SOX5: variants seen among roughly 807,000 people sequenced by gnomAD.
The protein encoded by SOX5 is SRY-box transcription factor 5, also known as transcription factor SOX-5.
A neutral mutation model predicts 92.0 loss-of-function variants in SOX5; 9 were observed. That is an observed-to-expected ratio of 0.10 (90% CI 0.06 to 0.17). The LOEUF is 0.17. Among genes scored for constraint, SOX5 ranks in the 10% least tolerant of loss-of-function variants. The probability of loss-of-function intolerance (pLI) is 1.00; values close to 1 mark genes in which losing one functional copy is unlikely to be tolerated. For synonymous variants in SOX5, 344 were observed against 336.3 expected (o/e 1.02, Z -0.25); for missense variants, 642 against 944.5 (o/e 0.68, Z 4.20).
chr12:24,259,218 G>GAGCGAGCGAGAGAGAGAGCA (rs1438551080), intron 3 of SOX5, among the ~76,000 whole-genome samples: 1 of 152,160 alleles, frequency 6.6e-6, no homozygotes, highest in East Asian at 1.9e-4. Context: ...GACAGAAAGA[G>GAGCGAGCGAGAGAGAGAGCA]AGCGAGCGAG....
chr12:24,496,775 T>C (rs1007610364), intron 1 of SOX5, among the ~76,000 whole-genome samples: 9 of 152,222 alleles, frequency 5.9e-5, no homozygotes, highest in Non-Finnish European at 1.2e-4. Context: ...AAAGAATGCA[T>C]TGGTGTCAGC....
At chr12:24,226,496 AATCTCACTC>A (rs1962017341) in intron 3 of SOX5, among the ~76,000 whole-genome samples, 1 of 151,860 alleles carries the variant, frequency 6.6e-6, no homozygotes, top group East Asian at 1.9e-4. Flanking sequence ...TTTGAGATAG[AATCTCACTC>A]TATCCCCCAG....
intron 4 of SOX5, among the ~76,000 whole-genome samples, chr12:24,161,447 T>C (rs1304860717): frequency 6.6e-6 from 1 of 152,072 alleles, no homozygotes; most frequent in Non-Finnish European, 1.5e-5. Context: ...ATAGGATCTG[T>C]TTATTAGAGC....
chr12:24,023,962 T>A (rs1954598867), intron 4 of SOX5, among the ~76,000 whole-genome samples: 1 of 152,036 alleles, frequency 6.6e-6, no homozygotes, highest in Non-Finnish European at 1.5e-5. Context: ...TCTTTACGTG[T>A]CCTGTTATCA....
intron 2 of SOX5, among the ~76,000 whole-genome samples, chr12:23,868,980 A>G (rs2096844658): frequency 6.6e-6 from 1 of 152,002 alleles, no homozygotes; most frequent in South Asian, 2.1e-4. Flanking sequence ...TACCTTTTCA[A>G]CTTTTTCACA....
chr12:24,379,159 T>C (rs1176661216), intron 1 of SOX5, among the ~76,000 whole-genome samples: 1 of 152,224 alleles, frequency 6.6e-6, no homozygotes, highest in Non-Finnish European at 1.5e-5. Context: ...TAGCTGAAAG[T>C]ATTCAAAACA....
intron 8 of SOX5, among the ~76,000 whole-genome samples, chr12:23,609,000 G>A (rs2075622747): frequency 1.3e-5 from 2 of 152,098 alleles, no homozygotes; most frequent in South Asian, 4.1e-4. Context: ...CACTGTCGAA[G>A]GTGTTAAGAG....
In SOX5 at chr12:24,273,086, A is replaced by G. The variant is rs911783971; in HGVS notation, c.-77+4130T>C. On this transcript the variant is annotated intron_variant, in intron 3 of 4. Coordinates refer to the SOX5 transcript ENST00000446891. ...CGTCTCTACTAAAAGTATAAAAGAA[A>G]TCAGCCAAGCATGGTGACATGTGCC... Among the ~76,000 whole-genome samples, 5 of 152,142 alleles carry G rather than the reference A, an allele frequency of 3.3e-5. 1 individual carries two copies. Among genetic ancestry groups the G allele is most frequent in the African/African-American group, 9.7e-5 (4 of 41,434 alleles).
chr12:23,613,528 T>C (rs775283419), intron 8 of SOX5, among the ~76,000 whole-genome samples: 2 of 152,118 alleles, frequency 1.3e-5, no homozygotes, highest in Non-Finnish European at 2.9e-5. Context: ...AAAAAAGAAT[T>C]GAAAGCAGGA....
chr12:24,246,412 C>G (rs1000185337), intron 3 of SOX5, among the ~76,000 whole-genome samples: 1 of 151,798 alleles, frequency 6.6e-6, no homozygotes, highest in South Asian at 2.1e-4. Context: ...AATAATTCAA[C>G]ACCAATGATT....
At chr12:24,402,609 G>C (rs1961998704) in intron 1 of SOX5, among the ~76,000 whole-genome samples, 1 of 152,142 alleles carries the variant, frequency 6.6e-6, no homozygotes, top group Admixed American at 6.5e-5. Context: ...CTTTTAAAGA[G>C]AAAGAATGCA....
rs150310972 is a variant in SOX5 at position 24,257,584 on chromosome 12, G to A, written c.-77+19632C>T. ...ACCAGGTTCAAGCAATTCTCCTGCC[G>A]CAGCCTCCTAAGTAGCTAGGATTAC... On this transcript the variant is annotated intron_variant, in intron 3 of 4. Coordinates refer to the SOX5 transcript ENST00000446891. 1.7e-3 allele frequency among the ~76,000 whole-genome samples: 258 copies of A among 151,932 alleles called. 2 individuals carry two copies. Among genetic ancestry groups the A allele is most frequent in the Admixed American group, 4.0e-3 (61 of 15,266 alleles).
Position 24,364,389 on chromosome 12 carries a change from A to G in SOX5, c.-174+4174T>C, listed in dbSNP as rs550543277. On this transcript the variant is annotated intron_variant, in intron 2 of 4. Coordinates refer to the SOX5 transcript ENST00000446891. ...TTTGGATTTTTCTTACAGTATTTTG[A>G]TGCTCTATCTTCTGTCCTTAGAAAG... is the stretch of plus-strand genomic sequence containing the variant. 4.6e-4 allele frequency among the ~76,000 whole-genome samples: 70 copies of G among 151,746 alleles called. 1 individual carries two copies. Among genetic ancestry groups the G allele is most frequent in the African/African-American group, 1.5e-3 (61 of 41,410 alleles).
rs577404340 is a variant in SOX5 at position 24,309,694 on chromosome 12, C to CA, written c.-173-32383dup. Reference sequence around the variant, plus strand: ...TTTCTTCCTTTGCTTTCTTGTGGTACATATATACTATAAAAATATGAAAAG... The same window carrying CA: ...TTTCTTCCTTTGCTTTCTTGTGGTACAATATATACTATAAAAATATGAAAAG... On this transcript the variant is annotated intron_variant, in intron 2 of 4. Transcript: ENST00000446891. Among the ~76,000 whole-genome samples, 21 of 151,900 alleles carry CA rather than the reference C, an allele frequency of 1.4e-4. No individual in the cohort carries two copies. In the East Asian group the frequency reaches 3.3e-3, roughly 24 times the overall value.
At chr12:23,977,371 T>C (rs1949032554) in intron 4 of SOX5, among the ~76,000 whole-genome samples, 1 of 151,896 alleles carries the variant, frequency 6.6e-6, no homozygotes, top group Admixed American at 6.6e-5. Flanking sequence ...AGAAAAATGG[T>C]ATAATAAATA....
chr12:24,481,280 G>A (rs1448300382), intron 1 of SOX5, among the ~76,000 whole-genome samples: 5 of 152,120 alleles, frequency 3.3e-5, no homozygotes. Flanking sequence ...GGGGTGGGGG[G>A]TTGGAAGGAT....
At chr12:24,148,209 C>A (rs1951267130) in intron 4 of SOX5, among the ~76,000 whole-genome samples, 1 of 151,186 alleles carries the variant, frequency 6.6e-6, no homozygotes, top group Non-Finnish European at 1.5e-5. Flanking sequence ...TAAAAAGGGA[C>A]AAACAGGCCA....
At chr12:24,143,332 A>T (rs1208513832) in intron 4 of SOX5, among the ~76,000 whole-genome samples, 1 of 152,232 alleles carries the variant, frequency 6.6e-6, no homozygotes, top group Non-Finnish European at 1.5e-5. Flanking sequence ...AGCTTTGTGA[A>T]TAAGCAGGAA....
At chr12:24,275,751 T>A (rs1316271091) in intron 3 of SOX5, among the ~76,000 whole-genome samples, 2 of 152,186 alleles carry the variant, frequency 1.3e-5, no homozygotes, top group African/African-American at 2.4e-5. Context: ...TTACATAGAA[T>A]GCTTTGACAA....
Sources: allele counts gnomAD v4.1 joint callset (sites outside exome capture counted in the v4.1 genomes callset), GRCh38; gene constraint gnomAD v4.1.1; transcripts MANE v1.5; gene names NCBI Gene and HGNC (gene_info 2026-07-23, HGNC 2026-07-21).